Variants in CAPN11 observed in about 807,000 individuals in gnomAD.
CAPN11 encodes the protein calpain-11.
CAPN11 carries 108 observed loss-of-function variants against 105.3 expected under a neutral mutation model. The ratio of observed to expected loss-of-function variants is 1.03; its 90% CI spans 0.88 to 1.20. The LOEUF (loss-of-function observed/expected upper bound fraction) is 1.20. Among genes scored for constraint, CAPN11 ranks in the 50% most tolerant of loss-of-function variants. The pLI is 0.00. For missense variants in CAPN11, 883 were observed against 924.8 expected (o/e 0.95, Z 0.59); for synonymous variants, 329 against 344.5 (o/e 0.96, Z 0.50).
intron 2 of CAPN11, chr6:44,168,835 G>A (rs1157314365): frequency 2.9e-6 from 1 of 342,890 alleles, no homozygotes; most frequent in Non-Finnish European, 5.9e-6. Flanking sequence ...TGGGCAGGCT[G>A]GTCTCGAACT....
At chr6:44,183,291 C>T in intron 21 of CAPN11, 56 bp downstream of exon 21, 1 of 1,087,600 alleles carries the variant, frequency 9.2e-7, no homozygotes, top group Non-Finnish European at 1.4e-6. Flanking sequence ...GGGCCCTTTC[C>T]CAAACACCCA....
intron 1 of CAPN11, among the ~76,000 whole-genome samples, chr6:44,165,502 G>T (rs997063313): frequency 6.6e-6 from 1 of 152,180 alleles, no homozygotes; most frequent in African/African-American, 2.4e-5. Flanking sequence ...CCCCTATCGC[G>T]GGCTGTGTGG....
intron 10 of CAPN11, 53 bp from the exon 11 acceptor site, chr6:44,176,785 G>C: frequency 6.2e-7 from 1 of 1,604,160 alleles, no homozygotes; most frequent in Non-Finnish European, 8.5e-7. Flanking sequence ...CAGGGAGAGG[G>C]AACTGAGGAT....
At chr6:44,161,562 C>T (rs903146247) in intron 1 of CAPN11, among the ~76,000 whole-genome samples, 3 of 152,136 alleles carry the variant, frequency 2.0e-5, no homozygotes, top group Non-Finnish European at 4.4e-5. Context: ...TCCTGCAAGT[C>T]AGAGCTGAGT....
intron 1 of CAPN11, 59 bp downstream of exon 1, chr6:44,158,923 C>G (rs1470912121): frequency 6.3e-6 from 9 of 1,425,732 alleles, no homozygotes; most frequent in African/African-American, 4.3e-5. Flanking sequence ...GAGCCTCCCC[C>G]CAGGGGAGGA....
intron 7 of CAPN11, among the ~76,000 whole-genome samples, chr6:44,174,886 C>T (rs1389137917): frequency 6.6e-6 from 1 of 152,158 alleles, no homozygotes; most frequent in Non-Finnish European, 1.5e-5. Flanking sequence ...TCCCAAAGTG[C>T]TGGGATTGCG....
intron 1 of CAPN11, among the ~76,000 whole-genome samples, chr6:44,160,628 C>CA (rs1219247127): frequency 6.6e-6 from 1 of 151,958 alleles, no homozygotes; most frequent in East Asian, 1.9e-4. Flanking sequence ...AAAAAAACCT[C>CA]AAAAAACAAC....
At chr6:44,158,987 C>A (rs1246156494) in intron 1 of CAPN11, 123 bp downstream of exon 1, 1 of 530,316 alleles carries the variant, frequency 1.9e-6, no homozygotes, top group African/African-American at 4.3e-5. Context: ...AGTGACTCTT[C>A]CATCAGACTG....
intron 5 of CAPN11, among the ~76,000 whole-genome samples, 164 bp from the exon 6 acceptor site, chr6:44,172,776 G>A (rs1258387529): frequency 6.6e-6 from 1 of 152,220 alleles, no homozygotes; most frequent in African/African-American, 2.4e-5. Flanking sequence ...GGCAGAAGCT[G>A]GAGAGGAGGC....
chr6:44,180,759 A>AGG lies in CAPN11; in HGVS notation c.1761_1762dup (p.Val588GlyfsTer32). The AGG allele has an allele frequency of 6.2e-7, 1 of 1,613,634 alleles. No homozygotes were observed. Among genetic ancestry groups the AGG allele is most frequent in the Non-Finnish European group, 8.5e-7 (1 of 1,179,700 alleles). Reference sequence around the variant, plus strand: ...GTTCCCCTTCCTAGGGCAAGGAGATAGGGGTGTATGAGCTCCAGAGGCTGC... The same window carrying AGG: ...GTTCCCCTTCCTAGGGCAAGGAGATAGGGGGGTGTATGAGCTCCAGAGGCTGC... On this transcript the variant is annotated frameshift_variant, in exon 17 of 23. Transcript: ENST00000398776. LOFTEE classifies it high-confidence loss of function.
chr6:44,176,355 C>G lies in CAPN11; in HGVS notation c.1001+17C>G, dbSNP rs58342131. The G allele has an allele frequency of 1.2e-6, 2 of 1,608,028 alleles. No homozygotes were observed. The highest frequency in any genetic ancestry group is 3.3e-5 in the Admixed American group (2 of 59,992). On this transcript the variant is annotated intron_variant, in intron 9 of 22. Transcript: ENST00000398776. ...GAGTGACAGGTAGGTGTCCCCAACC[C>G]AGGTGAGGGGTGGTCGGAGGATACA...
chr6:44,159,985 T>C (rs12206251), intron 1 of CAPN11, among the ~76,000 whole-genome samples: 13,441 of 152,044 alleles, frequency 0.088, 868 homozygotes, highest in East Asian at 0.26. Flanking sequence ...AATACAAAAA[T>C]TAGCCATGCG....
chr6:44,159,591 G>T (rs1485289374), intron 1 of CAPN11, among the ~76,000 whole-genome samples: 2 of 152,076 alleles, frequency 1.3e-5, no homozygotes, highest in East Asian at 3.8e-4. Context: ...GGAAGTTTAG[G>T]CCTAGCTGGT....
At chr6:44,159,208 C>T (rs1172439592) in intron 1 of CAPN11, among the ~76,000 whole-genome samples, 1 of 152,104 alleles carries the variant, frequency 6.6e-6, no homozygotes, top group Non-Finnish European at 1.5e-5. Flanking sequence ...GTCATGGCTG[C>T]TGGGGAAAAG....
chr6:44,179,548 A>G lies in CAPN11; in HGVS notation c.1417-71A>G. 2.2e-6 allele frequency: 3 copies of G among 1,349,622 alleles called. No homozygotes were observed. The South Asian group carries it at 3.5e-5, about 16-fold the overall frequency. The allele number at this position is 1,349,622 out of a possible 1,614,324, so 83.6% of individuals were successfully genotyped here. A position where few individuals can be genotyped will look rare whatever the true frequency, so the allele number is the denominator to read the frequency against. ...CACAGACACACACTATACACATCCC[A>G]CTTGGCTTCTGAAGGCCTGAGGCCC... On this transcript the variant is annotated intron_variant, in intron 12 of 22. Transcript: ENST00000398776.
chr6:44,172,437 G>A lies in CAPN11; in HGVS notation c.528+17G>A. The A allele has an allele frequency of 1.4e-6, 2 of 1,446,320 alleles. No individual in the cohort carries two copies. Among genetic ancestry groups the A allele is most frequent in the Non-Finnish European group, 1.9e-6 (2 of 1,054,704 alleles). The allele number at this position is 1,446,320 out of a possible 1,614,324, so 89.6% of individuals were successfully genotyped here. ...CATTTTCAGGTGAAGGACAGTGTGA[G>A]AGCCACTGTGGCTTTGTTGGGGGCG... On this transcript the variant is annotated intron_variant, in intron 5 of 22. Transcript: ENST00000398776.
Position 44,166,815 on chromosome 6 carries a change from G to T in CAPN11, c.74G>T (p.Arg25Leu). The T allele has an allele frequency of 6.4e-7, 1 of 1,551,726 alleles. No homozygotes were observed. ...SLDGSQEDKP[R>L]GSCAEPTFTD... ...GATGGATCACAGGAGGATAAGCCTCGGGGCTCATGTGCGGGTAGGACTGCA... is the reference window on the plus strand; with the variant it reads ...GATGGATCACAGGAGGATAAGCCTCTGGGCTCATGTGCGGGTAGGACTGCA... The change falls in exon 2 of 23, where the codon CGG becomes CTG. Residue 25 changes from arginine to leucine, a missense_variant. Transcript: ENST00000398776.
chr6:44,170,567 A>T (rs1241931059), intron 4 of CAPN11, among the ~76,000 whole-genome samples: 1 of 152,162 alleles, frequency 6.6e-6, no homozygotes, highest in Non-Finnish European at 1.5e-5. Flanking sequence ...TATCTAAGAG[A>T]GAGGACAAGG....
At chr6:44,174,942 C>T (rs1771707468) in intron 7 of CAPN11, among the ~76,000 whole-genome samples, 1 of 151,860 alleles carries the variant, frequency 6.6e-6, no homozygotes, top group South Asian at 2.1e-4. Flanking sequence ...CTTGAAATGA[C>T]AAAATAATAG....
Sources: allele counts gnomAD v4.1 joint callset (sites outside exome capture counted in the v4.1 genomes callset), GRCh38; gene constraint gnomAD v4.1.1; transcripts MANE v1.5; gene names NCBI Gene and HGNC (gene_info 2026-07-23, HGNC 2026-07-21).